SBK1: variants seen among roughly 807,000 people sequenced by gnomAD.
SBK1 encodes SH3 domain binding kinase 1.
Under a neutral mutation model 24.4 loss-of-function variants are expected in SBK1, and 11 were observed. The observed-to-expected ratio is 0.45, with a 90% CI of 0.28 to 0.75. The LOEUF is 0.75. SBK1 is among the 30% of genes least tolerant of loss of function. The probability of loss-of-function intolerance (pLI) is 0.12; values close to 1 mark genes in which losing one functional copy is unlikely to be tolerated. For missense variants in SBK1, 467 were observed against 620.5 expected (o/e 0.75, Z 2.63); for synonymous variants, 308 against 284.4 (o/e 1.08, Z -0.83).
At chr16:28,277,503 C>T (rs1410023732) in intron 1 of SBK1, among the ~76,000 whole-genome samples, 1 of 152,074 alleles carries the variant, frequency 6.6e-6, no homozygotes, top group African/African-American at 2.4e-5. Context: ...ACAGTGAGAC[C>T]CCCGTCTCCA....
intron 1 of SBK1, among the ~76,000 whole-genome samples, chr16:28,271,242 G>T (rs2044463825): frequency 6.6e-6 from 1 of 152,022 alleles, no homozygotes; most frequent in Admixed American, 6.6e-5. Flanking sequence ...ACAAGAAATA[G>T]TAAACAAGAA....
intron 1 of SBK1, among the ~76,000 whole-genome samples, chr16:28,272,131 A>C (rs2044469240): frequency 6.6e-6 from 1 of 152,148 alleles, no homozygotes; most frequent in Non-Finnish European, 1.5e-5. Context: ...AGGCTGGAGT[A>C]CAATCACAGC....
intron 1 of SBK1, among the ~76,000 whole-genome samples, chr16:28,300,658 T>G (rs1319038538): frequency 6.6e-6 from 1 of 152,180 alleles, no homozygotes; most frequent in African/African-American, 2.4e-5. Context: ...TTTCCTGAAC[T>G]GTAAAGGATG....
chr16:28,292,034 G>GACGC (rs924872730), upstream of SBK1: 1 of 152,190 alleles, frequency 6.6e-6, no homozygotes, highest in Non-Finnish European at 1.5e-5. Context: ...CAGGCAGGCG[G>GACGC]ACGCATGGAT....
At chr16:28,303,825 C>G (rs2044697155) in intron 1 of SBK1, among the ~76,000 whole-genome samples, 1 of 152,108 alleles carries the variant, frequency 6.6e-6, no homozygotes, top group African/African-American at 2.4e-5. Flanking sequence ...CTACTTTCCC[C>G]CATTGCAAGG....
chr16:28,295,019 AG>A (rs1463668905), intron 1 of SBK1, among the ~76,000 whole-genome samples: 1 of 152,226 alleles, frequency 6.6e-6, no homozygotes, highest in Non-Finnish European at 1.5e-5. Flanking sequence ...ACAAGCATCC[AG>A]GTTTGCTCTA....
At chr16:28,284,064 G>C (rs1367553762) in intron 1 of SBK1, among the ~76,000 whole-genome samples, 1 of 152,174 alleles carries the variant, frequency 6.6e-6, no homozygotes, top group Non-Finnish European at 1.5e-5. Context: ...CCTCAGTGGG[G>C]TTCACCTCCC....
intron 1 of SBK1, among the ~76,000 whole-genome samples, chr16:28,261,316 G>A (rs577056701): frequency 3.9e-5 from 6 of 152,152 alleles, no homozygotes; most frequent in South Asian, 4.2e-4. Flanking sequence ...GGCATCAGGC[G>A]GGGTGTGGTG....
intron 1 of SBK1, among the ~76,000 whole-genome samples, chr16:28,311,746 T>C (rs1329630558): frequency 1.3e-5 from 2 of 150,958 alleles, no homozygotes; most frequent in African/African-American, 4.9e-5. Flanking sequence ...AATAAAGCCA[T>C]AGAGAGGCAG....
intron 1 of SBK1, among the ~76,000 whole-genome samples, chr16:28,269,279 C>T (rs1194877778): frequency 6.6e-6 from 1 of 151,952 alleles, no homozygotes; most frequent in Non-Finnish European, 1.5e-5. Flanking sequence ...AGGTGATTCA[C>T]CAGCCTCGGC....
At chr16:28,296,990 A>G (rs1439685253) in intron 1 of SBK1, among the ~76,000 whole-genome samples, 1 of 152,142 alleles carries the variant, frequency 6.6e-6, no homozygotes, top group Non-Finnish European at 1.5e-5. Flanking sequence ...AAGCTGGTCT[A>G]AGTTTTGGTC....
At chr16:28,302,697 C>T (rs1302127986) in intron 1 of SBK1, among the ~76,000 whole-genome samples, 4 of 152,180 alleles carry the variant, frequency 2.6e-5, no homozygotes, top group Non-Finnish European at 4.4e-5. Context: ...CCTACGCTAC[C>T]CCTTTTCACC....
chr16:28,263,407 T>C (rs149898883), intron 1 of SBK1, among the ~76,000 whole-genome samples: 16 of 152,280 alleles, frequency 1.1e-4, no homozygotes, highest in African/African-American at 3.9e-4. Context: ...GGTGAGGATA[T>C]TTCATCTAAG....
At chr16:28,271,987 A>G (rs1052966800) in intron 1 of SBK1, among the ~76,000 whole-genome samples, 9 of 152,230 alleles carry the variant, frequency 5.9e-5, no homozygotes, top group Non-Finnish European at 1.3e-4. Flanking sequence ...AATCCTGCAC[A>G]TGAATATTTG....
chr16:28,302,819 G>A (rs1286447599), intron 1 of SBK1, among the ~76,000 whole-genome samples: 1 of 152,166 alleles, frequency 6.6e-6, no homozygotes, highest in Admixed American at 6.5e-5. Context: ...CAGTGAACAA[G>A]ACCAGACAGC....
intron 1 of SBK1, among the ~76,000 whole-genome samples, chr16:28,272,658 G>C (rs1364394779): frequency 1.7e-5 from 2 of 114,786 alleles, no homozygotes; most frequent in Non-Finnish European, 3.3e-5. Flanking sequence ...GTCTCACTCT[G>C]TCACCCAGGC....
intron 1 of SBK1, among the ~76,000 whole-genome samples, chr16:28,303,990 T>G (rs1216259812): frequency 1.3e-5 from 2 of 151,620 alleles, no homozygotes; most frequent in Non-Finnish European, 2.9e-5. Flanking sequence ...CTCTGTGGGG[T>G]GGGATGGGGG....
At chr16:28,276,273 G>A (rs767808250) in intron 1 of SBK1, among the ~76,000 whole-genome samples, 1 of 152,112 alleles carries the variant, frequency 6.6e-6, no homozygotes, top group African/African-American at 2.4e-5. Context: ...GCGGAATCTC[G>A]GGCCTCACCA....
intron 1 of SBK1, among the ~76,000 whole-genome samples, chr16:28,310,988 C>A (rs1188499885): frequency 6.6e-6 from 1 of 152,080 alleles, no homozygotes; most frequent in East Asian, 1.9e-4. Flanking sequence ...ATGTACCTGG[C>A]GGATGACGCA....
Sources: gnomAD v4.1 joint callset for allele counts (sites outside exome capture counted in the v4.1 genomes callset) on GRCh38, gnomAD v4.1.1 for gene constraint, MANE v1.5 for transcripts, NCBI Gene and HGNC (gene_info 2026-07-23, HGNC 2026-07-21) for gene names.